The following PRDM5 variants were observed in gnomAD, a reference collection of about 807,000 sequenced individuals.
PRDM5 encodes the protein PR domain zinc finger protein 5.
In PRDM5, 56 loss-of-function variants were observed where a neutral mutation model predicts 81.2. The observed-to-expected ratio is 0.69, with a 90% CI of 0.56 to 0.86. The LOEUF is 0.86. PRDM5 is among the 40% of genes least tolerant of loss of function. PRDM5 has a pLI of 0.00. For missense variants in PRDM5, 697 were observed against 770.1 expected (o/e 0.91, Z 1.12); for synonymous variants, 267 against 256.4 (o/e 1.04, Z -0.39).
intron 13 of PRDM5, among the ~76,000 whole-genome samples, chr4:120,763,469 T>G (rs906346841): frequency 6.6e-6 from 1 of 152,028 alleles, no homozygotes; most frequent in Admixed American, 6.6e-5. Flanking sequence ...TTGATGTGAG[T>G]GCTGGCAAAA....
chr4:120,793,573 T>C (rs115661053), intron 10 of PRDM5, among the ~76,000 whole-genome samples: 106 of 152,356 alleles, frequency 7.0e-4, no homozygotes, highest in African/African-American at 2.5e-3. Flanking sequence ...GCCTTGTGGC[T>C]ACATTTAGTA....
intron 15 of PRDM5, among the ~76,000 whole-genome samples, chr4:120,705,221 A>G (rs1222859200): frequency 1.3e-5 from 2 of 152,176 alleles, no homozygotes; most frequent in Non-Finnish European, 2.9e-5. Context: ...CAAAATATTG[A>G]ATGCTTCCCA....
chr4:120,832,495 C>T (rs56147303), intron 3 of PRDM5, among the ~76,000 whole-genome samples: 25,900 of 152,000 alleles, frequency 0.17, 2,683 homozygotes, highest in East Asian at 0.47. Context: ...TATTCATTTA[C>T]GCTGTATTGC....
intron 1 of PRDM5, 118 bp downstream of exon 1, chr4:120,922,398 C>G (rs989412455): frequency 8.7e-7 from 1 of 1,150,918 alleles, no homozygotes; most frequent in African/African-American, 1.6e-5. Flanking sequence ...TGGCCCGGCC[C>G]GGGCGAGGGG....
intron 15 of PRDM5, among the ~76,000 whole-genome samples, chr4:120,709,492 T>A (rs909637118): frequency 2.6e-5 from 4 of 152,206 alleles, no homozygotes; most frequent in Non-Finnish European, 2.9e-5. Flanking sequence ...ACATCTTGTG[T>A]TTGTGAGTTT....
chr4:120,693,259 TAA>T lies in PRDM5; in HGVS notation c.*1850_*1851del, dbSNP rs1734195614. On this transcript the variant is annotated 3_prime_UTR_variant, in exon 16 of 16. Coordinates refer to ENST00000264808, the MANE Select transcript of PRDM5 (RefSeq NM_018699.4). ...TTACATTCATCACATAATCGGGATA[TAA>T]AGCATCCCATATAGAGAAAGCAGCA... 1 of 152,192 alleles carries T rather than the reference TAA, an allele frequency of 6.6e-6. No homozygotes were observed. The highest frequency in any genetic ancestry group is 2.1e-4 in the South Asian group (1 of 4,818). 9.4% of individuals were successfully genotyped at this position (152,192 alleles called of 1,614,324 possible). A position where few individuals can be genotyped will look rare whatever the true frequency, so the allele number is the denominator to read the frequency against.
chr4:120,723,634 A>G lies in PRDM5; in HGVS notation c.1624-13221T>C, dbSNP rs1280063489. ...GTACAAATGAAAGAGAAAGAAATAT[A>G]AGGGAAGTAAATATGATAAAAAATA... is the stretch of plus-strand genomic sequence containing the variant. On this transcript the variant is annotated intron_variant, in intron 14 of 15. Transcript: ENST00000264808. Among the ~76,000 whole-genome samples the G allele has an allele frequency of 2.6e-5, 4 of 152,134 alleles. No homozygotes were observed. In the East Asian group the frequency reaches 5.8e-4, roughly 22 times the overall value.
At chr4:120,820,297 G>A (rs577883990) in intron 4 of PRDM5, among the ~76,000 whole-genome samples, 1 of 152,160 alleles carries the variant, frequency 6.6e-6, no homozygotes, top group Non-Finnish European at 1.5e-5. Flanking sequence ...GCCCTCACCA[G>A]ACACCAAATC....
intron 2 of PRDM5, among the ~76,000 whole-genome samples, chr4:120,863,191 T>TATACACACACACACAC (rs1553997193): frequency 3.0e-4 from 21 of 70,298 alleles, no homozygotes; most frequent in East Asian, 1.9e-3. Flanking sequence ...TATATATATA[T>TATACACACACACACAC]ACACACACAC....
chr4:120,824,123 T>A (rs1291896220), intron 3 of PRDM5, among the ~76,000 whole-genome samples: 1 of 152,174 alleles, frequency 6.6e-6, no homozygotes, highest in Non-Finnish European at 1.5e-5. Flanking sequence ...ACACATTTTT[T>A]AATACATTAC....
intron 14 of PRDM5, among the ~76,000 whole-genome samples, chr4:120,738,254 T>G (rs1379262396): frequency 6.6e-6 from 1 of 152,178 alleles, no homozygotes; most frequent in African/African-American, 2.4e-5. Flanking sequence ...TAAGTATCAT[T>G]CTGATTACAG....
At chr4:120,790,373 T>C (rs937447402) in intron 10 of PRDM5, among the ~76,000 whole-genome samples, 10 of 152,218 alleles carry the variant, frequency 6.6e-5, no homozygotes, top group African/African-American at 1.9e-4. Flanking sequence ...CTCATGAAGA[T>C]ACAGTTTTCA....
At chr4:120,743,994 A>T (rs1241714505) in intron 14 of PRDM5, among the ~76,000 whole-genome samples, 1 of 152,038 alleles carries the variant, frequency 6.6e-6, no homozygotes, top group Non-Finnish European at 1.5e-5. Context: ...TCAGCACCAC[A>T]CCACACCTAT....
At chr4:120,754,300 CATTTATA>C (rs555372987) in intron 14 of PRDM5, among the ~76,000 whole-genome samples, 16 of 152,058 alleles carry the variant, frequency 1.1e-4, no homozygotes, top group Non-Finnish European at 2.4e-4. Context: ...TGAAGTTCAT[CATTTATA>C]ACTCCTGAAA....
chr4:120,835,630 C>T (rs1473527678), intron 3 of PRDM5, among the ~76,000 whole-genome samples: 2 of 152,146 alleles, frequency 1.3e-5, no homozygotes, highest in Non-Finnish European at 2.9e-5. Flanking sequence ...TAGGACGTGA[C>T]TTGCTCCTCC....
At chr4:120,688,749 A>C (rs980176308), downstream of PRDM5, among the ~76,000 whole-genome samples, 4 of 152,054 alleles carry the variant, frequency 2.6e-5, no homozygotes, top group Non-Finnish European at 5.9e-5. Context: ...GTGTAGTCTT[A>C]GCTCTCTTGT....
At position 120,702,015 on chromosome 4, in the gene PRDM5, G is replaced by C. The variant is rs554425181; in HGVS notation, c.1729-6740C>G. ...CTCTGCAGGAAATGTTTGGAATTGT[G>C]GGGGGTATCTCACTGTCTCAACAAA... On this transcript the variant is annotated intron_variant, in intron 15 of 15. Coordinates refer to ENST00000264808, the MANE Select transcript of PRDM5 (RefSeq NM_018699.4). Among the ~76,000 whole-genome samples the C allele has an allele frequency of 6.6e-5, 10 of 152,212 alleles. No individual in the cohort carries two copies. In the East Asian group the frequency reaches 1.7e-3, roughly 26 times the overall value.
chr4:120,861,722 A>G (rs894095454), intron 2 of PRDM5, among the ~76,000 whole-genome samples: 1 of 151,756 alleles, frequency 6.6e-6, no homozygotes, highest in African/African-American at 2.4e-5. Flanking sequence ...CACTTGAACC[A>G]GGGAGGTGAA....
intron 14 of PRDM5, among the ~76,000 whole-genome samples, chr4:120,714,366 CTA>C (rs1262572847): frequency 6.6e-6 from 1 of 152,060 alleles, no homozygotes; most frequent in African/African-American, 2.4e-5. Flanking sequence ...CTGTTGTACT[CTA>C]ATTTCTTAAA....
Sources: gnomAD v4.1 joint callset for allele counts (sites outside exome capture counted in the v4.1 genomes callset) on GRCh38, gnomAD v4.1.1 for gene constraint, MANE v1.5 for transcripts, NCBI Gene and HGNC (gene_info 2026-07-23, HGNC 2026-07-21) for gene names.